FBXO11: variants seen among roughly 807,000 people sequenced by gnomAD.
The protein encoded by FBXO11 is F-box protein 11.
Under a neutral mutation model 117.0 loss-of-function variants are expected in FBXO11, and 13 were observed. The observed-to-expected ratio is 0.11, with a 90% CI of 0.07 to 0.18. The LOEUF (loss-of-function observed/expected upper bound fraction) is 0.18. Among genes scored for constraint, FBXO11 ranks in the 10% least tolerant of loss-of-function variants. FBXO11 has a pLI of 1.00. For synonymous variants in FBXO11, 490 were observed against 380.5 expected, an observed-to-expected ratio of 1.29 and a Z score of -3.35; for missense variants, 767 against 1,164.4, an observed-to-expected ratio of 0.66 and a Z score of 4.97.
At chr2:47,813,934 G>A (rs1007801421) in intron 16 of FBXO11, 67 bp from the exon 17 acceptor site, 1 of 1,178,090 alleles carries the variant, frequency 8.5e-7, no homozygotes, top group African/African-American at 1.5e-5. Context: ...TGTTACGTGA[G>A]GTAAACAGTG....
rs1206866861 is a variant in FBXO11, at chr2:47,905,783, C to T, written c.-63G>A. The T allele has an allele frequency of 9.4e-6, 11 of 1,176,184 alleles. No homozygotes were observed. The highest frequency in any genetic ancestry group is 3.8e-5 in the African/African-American group (2 of 53,112). 72.9% of individuals were successfully genotyped at this position (1,176,184 alleles called of 1,614,324 possible). ...ACACACGCACACGCACAGCGAGCTT[C>T]GGGGCAGGAGAAAGGGGTGGGGAGA... On this transcript the variant is annotated 5_prime_UTR_variant, in exon 1 of 23. Transcript: ENST00000403359.
rs185378728 is a variant in FBXO11 at position 47,813,455 on chromosome 2, G to C, written c.2084-78C>G. The stretch of plus-strand genomic sequence containing the variant: ...TTTTTTTTTTTTTTTTTTTGAGACA[G>C]AGTCTCGCTCTGTTGCCAGGCTGGA... On this transcript the variant is annotated intron_variant, in intron 17 of 22. Coordinates refer to ENST00000403359, the MANE Select transcript of FBXO11 (RefSeq NM_001190274.2). 204 of 461,030 alleles carry C rather than the reference G, an allele frequency of 4.4e-4. 5 individuals are homozygous for C. In the African/African-American group the frequency reaches 0.013, roughly 30 times the overall value. The allele number at this position is 461,030 out of a possible 1,614,324, so 28.6% of individuals were successfully genotyped here. A position where few individuals can be genotyped will look rare whatever the true frequency, so the allele number is the denominator to read the frequency against.
At chr2:47,888,236 T>C (rs1399875528) in intron 1 of FBXO11, among the ~76,000 whole-genome samples, 3 of 152,108 alleles carry the variant, frequency 2.0e-5, no homozygotes, top group Admixed American at 6.5e-5. Flanking sequence ...ACTAGAATGA[T>C]GATACAATTT....
At chr2:47,820,173 A>C (rs1249457988) in intron 14 of FBXO11, among the ~76,000 whole-genome samples, 189 bp downstream of exon 14, 1 of 152,230 alleles carries the variant, frequency 6.6e-6, no homozygotes, top group Non-Finnish European at 1.5e-5. Flanking sequence ...TTAAACACAA[A>C]CTTAAAATCA....
At chr2:47,870,512 C>G (rs1281099061) in intron 1 of FBXO11, among the ~76,000 whole-genome samples, 2 of 152,132 alleles carry the variant, frequency 1.3e-5, no homozygotes, top group Non-Finnish European at 2.9e-5. Flanking sequence ...AAGACAAACA[C>G]AGAGGGAGAA....
At chr2:47,889,848 T>C (rs909760598) in intron 1 of FBXO11, among the ~76,000 whole-genome samples, 3 of 152,232 alleles carry the variant, frequency 2.0e-5, no homozygotes, top group Non-Finnish European at 4.4e-5. Context: ...ATTAAATTCC[T>C]CTTTTCTAAT....
At chr2:47,890,173 G>C (rs1243107102) in intron 1 of FBXO11, among the ~76,000 whole-genome samples, 1 of 151,818 alleles carries the variant, frequency 6.6e-6, no homozygotes, top group East Asian at 1.9e-4. Context: ...TCAGTATGTT[G>C]GTAGGCTGGT....
chr2:47,808,999 A>C, intron 21 of FBXO11, 159 bp downstream of exon 21: 1 of 533,106 alleles, frequency 1.9e-6, no homozygotes, highest in African/African-American at 2.0e-5. Context: ...GCCTACCCAC[A>C]GTTACAGTCT....
chr2:47,820,765 G>A (rs1411154821), intron 13 of FBXO11, among the ~76,000 whole-genome samples: 1 of 152,292 alleles, frequency 6.6e-6, no homozygotes, highest in Non-Finnish European at 1.5e-5. Flanking sequence ...TTGTGCCTCT[G>A]TATCCTTATC....
At chr2:47,886,781 G>C (rs557492953) in intron 1 of FBXO11, among the ~76,000 whole-genome samples, 5 of 151,936 alleles carry the variant, frequency 3.3e-5, no homozygotes, top group African/African-American at 1.2e-4. Flanking sequence ...CACACAGTAC[G>C]GTTTGTTTTT....
chr2:47,817,619 G>C (rs534107569), intron 16 of FBXO11, among the ~76,000 whole-genome samples: 5 of 152,182 alleles, frequency 3.3e-5, no homozygotes, highest in African/African-American at 1.2e-4. Flanking sequence ...TTTAAAGTGA[G>C]AGATACGCAA....
intron 1 of FBXO11, among the ~76,000 whole-genome samples, chr2:47,845,769 G>A (rs1026267803): frequency 1.3e-5 from 2 of 151,868 alleles, no homozygotes; most frequent in African/African-American, 4.8e-5. Context: ...TTAGCTTGGT[G>A]CCCAATCAGT....
chr2:47,863,675 G>C (rs1264942552), intron 1 of FBXO11, among the ~76,000 whole-genome samples: 1 of 152,202 alleles, frequency 6.6e-6, no homozygotes, highest in Non-Finnish European at 1.5e-5. Context: ...ACAAAGGCCG[G>C]GTGCGGTGGC....
At chr2:47,897,481 T>C (rs1677761705) in intron 1 of FBXO11, among the ~76,000 whole-genome samples, 1 of 152,106 alleles carries the variant, frequency 6.6e-6, no homozygotes, top group African/African-American at 2.4e-5. Flanking sequence ...CAGATCACTT[T>C]ACATCATGAG....
chr2:47,809,204 A>G lies in FBXO11; in HGVS notation c.2509T>C (p.Tyr837His). 1 of 1,607,812 alleles carries G rather than the reference A, an allele frequency of 6.2e-7. No homozygotes were observed. ...EKAVSRGQCL[Y>H]KISSYTSYPM... The stretch of plus-strand genomic sequence containing the variant: ...TAGCTGGTATAACTTGATATTTTAT[A>G]TAAACATTGGCCTCTACTAACAGCC... The change falls in exon 21 of 23, where the codon TAT (tyrosine) becomes CAT (histidine). Residue 837 changes from tyrosine to histidine, a missense_variant. This residue lies in a region of FBXO11 where 47 missense variants were observed against 117.3 expected (regional missense o/e 0.40). Coordinates refer to ENST00000403359, the MANE Select transcript of FBXO11 (RefSeq NM_001190274.2).
chr2:47,810,529 G>A (rs1670539629), intron 18 of FBXO11, 103 bp from the exon 19 acceptor site: 3 of 622,886 alleles, frequency 4.8e-6, no homozygotes, highest in Admixed American at 3.7e-5. Flanking sequence ...TTAACTGCAT[G>A]GTAAAATTCA....
At chr2:47,901,443 C>G (rs1324448074) in intron 1 of FBXO11, among the ~76,000 whole-genome samples, 3 of 151,896 alleles carry the variant, frequency 2.0e-5, no homozygotes, top group Admixed American at 6.6e-5. Flanking sequence ...TTCCAGAACC[C>G]AAATTCATCT....
chr2:47,808,241 G>A lies in FBXO11; in HGVS notation c.2661C>T (p.Phe887=), dbSNP rs774318144. The A allele has an allele frequency of 6.2e-7, 1 of 1,612,996 alleles. No individual in the cohort carries two copies. Among genetic ancestry groups the A allele is most frequent in the Non-Finnish European group, 8.5e-7 (1 of 1,179,830 alleles). ...ACAGTGTTCCAGCACCACAGTCACA[G>A]AAAAACCTAAAGCAAAATGAAACCC... The part of the protein sequence containing the change: ...DVEFIRHDRF[F]CDCGAGTLSN... Residue 887 remains phenylalanine (F), a synonymous_variant, in exon 23 of 23, where the codon TTC becomes TTT. Transcript: ENST00000403359.
At chr2:47,847,418 T>C (rs565001198) in intron 1 of FBXO11, among the ~76,000 whole-genome samples, 3 of 152,240 alleles carry the variant, frequency 2.0e-5, no homozygotes, top group East Asian at 3.9e-4. Flanking sequence ...AGTAAAAATA[T>C]AGTATCATGG....
Sources: gnomAD v4.1 joint callset for allele counts (sites outside exome capture counted in the v4.1 genomes callset) on GRCh38, gnomAD v4.1.1 for gene constraint, gnomAD v4.1.1 regional missense constraint, MANE v1.5 for transcripts, NCBI Gene and HGNC (gene_info 2026-07-23, HGNC 2026-07-21) for gene names.